Variants in PDGFD observed in about 807,000 individuals in gnomAD.
PDGFD encodes the protein platelet derived growth factor D.
A neutral mutation model predicts 44.7 loss-of-function variants in PDGFD; 30 were observed. The observed-to-expected ratio is 0.67, with a 90% confidence interval of 0.50 to 0.91. The LOEUF (loss-of-function observed/expected upper bound fraction) is 0.91, where lower values mean the gene tolerates loss of function less well. Among genes scored for constraint, PDGFD ranks in the 40% least tolerant of loss-of-function variants. The probability of loss-of-function intolerance (pLI) is 0.00; values close to 1 mark genes in which losing one functional copy is unlikely to be tolerated. For missense variants in PDGFD, 445 were observed against 457.8 expected (o/e 0.97, Z 0.25); for synonymous variants, 173 against 168.4 (o/e 1.03, Z -0.21).
Position 104,065,051 on chromosome 11 carries a change from G to A in PDGFD, c.125-64796C>T, listed in dbSNP as rs550133085. ...AGCTGTCAGCATGGCCAGAATAAAA[G>A]GAGGCAGAAGAACGTTGAGAGAATC... On this transcript the variant is annotated intron_variant, in intron 1 of 6. Coordinates refer to ENST00000393158, the MANE Select transcript of PDGFD (RefSeq NM_025208.5). Among the ~76,000 whole-genome samples the A allele has an allele frequency of 2.6e-5, 4 of 152,254 alleles. No homozygotes were observed. The South Asian group carries it at 6.2e-4, about 24-fold the overall frequency.
At chr11:104,061,587 T>C (rs1424142471) in intron 1 of PDGFD, among the ~76,000 whole-genome samples, 1 of 152,126 alleles carries the variant, frequency 6.6e-6, no homozygotes, top group African/African-American at 2.4e-5. Context: ...CATTGCAAAT[T>C]CAGTGTTTTT....
intron 1 of PDGFD, among the ~76,000 whole-genome samples, chr11:104,078,926 G>A (rs1005864369): frequency 6.6e-6 from 1 of 152,068 alleles, no homozygotes; most frequent in Non-Finnish European, 1.5e-5. Context: ...AGGCTTACCT[G>A]TATTAAAGAA....
intron 1 of PDGFD, among the ~76,000 whole-genome samples, chr11:104,158,477 C>A (rs2119927831): frequency 6.6e-6 from 1 of 152,364 alleles, no homozygotes; most frequent in Admixed American, 6.5e-5. Flanking sequence ...GTGTTTCATT[C>A]ATATTGTGCC....
chr11:104,017,484 A>G (rs993347307), intron 1 of PDGFD, among the ~76,000 whole-genome samples: 4 of 152,100 alleles, frequency 2.6e-5, no homozygotes, highest in Admixed American at 1.3e-4. Flanking sequence ...CTCCAGTTCA[A>G]ATTTCCAGTC....
chr11:104,072,762 C>T (rs528041610), intron 1 of PDGFD, among the ~76,000 whole-genome samples: 10 of 151,984 alleles, frequency 6.6e-5, no homozygotes, highest in East Asian at 3.9e-4. Flanking sequence ...TTTTGAGTTT[C>T]GTTTTCCTGA....
In PDGFD at chr11:104,000,213, A is replaced by G; in HGVS notation, c.167T>C (p.Ile56Thr). The part of the protein sequence containing the change: ...LTDLYRRDET[I>T]QVKGNGYVQS... ...CACGTAGCCGTTTCCTTTCACCTGG[A>G]TGGTCTCATCTCTTCGGTACAAGTC... Residue 56 changes from isoleucine (I) to threonine (T), a missense_variant, in exon 2 of 7, where the codon ATC becomes ACC. Physicochemically the swap from Ile to Thr is moderately conservative, Grantham distance 89. Transcript: ENST00000393158. 6.2e-7 allele frequency: 1 copy of G among 1,613,984 alleles called. No homozygotes were observed. The highest frequency in any genetic ancestry group is 8.5e-7 in the Non-Finnish European group (1 of 1,179,986).
chr11:103,954,566 G>A (rs1858808599), intron 3 of PDGFD, among the ~76,000 whole-genome samples: 1 of 152,164 alleles, frequency 6.6e-6, no homozygotes. Context: ...TTACTTGGGA[G>A]TTTTTAAAAA....
intron 1 of PDGFD, among the ~76,000 whole-genome samples, chr11:104,088,611 G>A (rs1003434135): frequency 2.6e-5 from 4 of 152,128 alleles, no homozygotes; most frequent in African/African-American, 9.7e-5. Flanking sequence ...TACAACTTGG[G>A]AGGAACTTTG....
chr11:104,089,581 C>T (rs17423306), intron 1 of PDGFD, among the ~76,000 whole-genome samples: 25,457 of 151,994 alleles, frequency 0.17, 2,255 homozygotes, highest in South Asian at 0.23. Flanking sequence ...AGTTTACCAA[C>T]GCTAATACAA....
At chr11:104,134,382 T>G (rs560942120) in intron 1 of PDGFD, among the ~76,000 whole-genome samples, 1 of 152,268 alleles carries the variant, frequency 6.6e-6, no homozygotes, top group South Asian at 2.1e-4. Flanking sequence ...TTAAAGGAAA[T>G]TATTGTGTTG....
chr11:104,128,796 ATT>A (rs1329047230), intron 1 of PDGFD, among the ~76,000 whole-genome samples: 1 of 152,194 alleles, frequency 6.6e-6, no homozygotes, highest in African/African-American at 2.4e-5. Context: ...AATAATGCAC[ATT>A]GATAATGCAC....
At chr11:103,920,887 T>C (rs1858205470) in intron 6 of PDGFD, among the ~76,000 whole-genome samples, 1 of 152,252 alleles carries the variant, frequency 6.6e-6, no homozygotes, top group Non-Finnish European at 1.5e-5. Flanking sequence ...AATTTGTTTT[T>C]ATTCCTTACA....
intron 3 of PDGFD, among the ~76,000 whole-genome samples, chr11:103,995,055 T>C (rs1361879745): frequency 6.6e-6 from 1 of 151,948 alleles, no homozygotes; most frequent in African/African-American, 2.4e-5. Flanking sequence ...ATTTTTAAAT[T>C]TTTTTTGTAG....
intron 1 of PDGFD, among the ~76,000 whole-genome samples, chr11:104,072,029 C>T (rs361311): frequency 0.46 from 70,379 of 151,434 alleles, 17,971 homozygotes; most frequent in African/African-American, 0.68. Flanking sequence ...TCCTCTTTTG[C>T]ATATTATTCT....
intron 1 of PDGFD, among the ~76,000 whole-genome samples, chr11:104,118,649 C>T (rs1324707524): frequency 6.8e-6 from 1 of 146,996 alleles, no homozygotes; most frequent in Non-Finnish European, 1.5e-5. Context: ...TATCCCATTG[C>T]TAACTTGCTA....
intron 1 of PDGFD, among the ~76,000 whole-genome samples, chr11:104,069,439 G>C (rs1860841300): frequency 6.6e-6 from 1 of 152,088 alleles, no homozygotes; most frequent in African/African-American, 2.4e-5. Flanking sequence ...TTGACCTTTG[G>C]TAATTCATAA....
chr11:103,949,798 T>C (rs1858721713), intron 3 of PDGFD, among the ~76,000 whole-genome samples: 1 of 152,154 alleles, frequency 6.6e-6, no homozygotes, highest in South Asian at 2.1e-4. Flanking sequence ...AATAGGTGGT[T>C]GTACCTGGGG....
chr11:104,088,500 C>T (rs1352486316), intron 1 of PDGFD, among the ~76,000 whole-genome samples: 1 of 152,118 alleles, frequency 6.6e-6, no homozygotes, highest in Non-Finnish European at 1.5e-5. Flanking sequence ...GAAACATAAA[C>T]ACACAACATA....
At chr11:103,988,810 C>G (rs1859408081) in intron 3 of PDGFD, among the ~76,000 whole-genome samples, 1 of 152,112 alleles carries the variant, frequency 6.6e-6, no homozygotes, top group Admixed American at 6.5e-5. Flanking sequence ...TGTAAAATAA[C>G]AGGATTAGCA....
Sources: gnomAD v4.1 joint callset for allele counts (sites outside exome capture counted in the v4.1 genomes callset) on GRCh38, gnomAD v4.1.1 for gene constraint, MANE v1.5 for transcripts, NCBI Gene and HGNC (gene_info 2026-07-23, HGNC 2026-07-21) for gene names.